NID2: variants seen among roughly 807,000 people sequenced by gnomAD.
NID2 encodes nidogen-2.
A neutral mutation model predicts 145.4 loss-of-function variants in NID2; 83 were observed. That is an observed-to-expected ratio of 0.57 (90% CI 0.48 to 0.69). The LOEUF (loss-of-function observed/expected upper bound fraction) is 0.69, where lower values mean the gene tolerates loss of function less well. Among genes scored for constraint, NID2 ranks in the 30% least tolerant of loss-of-function variants. The probability of loss-of-function intolerance (pLI) is 0.00; values close to 1 mark genes in which losing one functional copy is unlikely to be tolerated. For missense variants in NID2, 1,807 were observed against 1,765.7 expected (o/e 1.02, Z -0.42); for synonymous variants, 739 against 701.3 (o/e 1.05, Z -0.85).
chr14:52,066,493 G>A (rs938582509), intron 2 of NID2, among the ~76,000 whole-genome samples: 3 of 152,018 alleles, frequency 2.0e-5, no homozygotes, highest in African/African-American at 7.3e-5. Flanking sequence ...TGCTTGGGGG[G>A]ATGGATACCC....
intron 10 of NID2, 41 bp from the exon 11 acceptor site, chr14:52,028,891 G>T: frequency 6.2e-7 from 1 of 1,608,744 alleles, no homozygotes; most frequent in South Asian, 1.1e-5. Flanking sequence ...CTTAATTCAA[G>T]GGTCCCAGAA....
intron 9 of NID2, among the ~76,000 whole-genome samples, chr14:52,034,419 G>C (rs900328657): frequency 1.3e-5 from 2 of 152,208 alleles, no homozygotes; most frequent in Admixed American, 1.3e-4. Context: ...ATCTCTCTTT[G>C]AGAAATCTAC....
intron 5 of NID2, among the ~76,000 whole-genome samples, chr14:52,052,763 T>TCCTA (rs1372358779): frequency 6.6e-6 from 1 of 152,168 alleles, no homozygotes; most frequent in African/African-American, 2.4e-5. Flanking sequence ...ACCTCTTTCT[T>TCCTA]CCTATCAGAG....
chr14:52,006,622 C>T lies in NID2; in HGVS notation c.3919G>A (p.Gly1307Arg), dbSNP rs960718658. The T allele has an allele frequency of 5.3e-5, 86 of 1,613,774 alleles. No individual in the cohort carries two copies. Among genetic ancestry groups the T allele is most frequent in the Non-Finnish European group, 7.0e-5 (83 of 1,179,800 alleles). Reference sequence around the variant, plus strand: ...AGGTTGTTTTGAATGACACGCCGTCCAGTTCCATCAGGTAGTGTACACTCC... The same window carrying T: ...AGGTTGTTTTGAATGACACGCCGTCTAGTTCCATCAGGTAGTGTACACTCC... ...KLECTLPDGT[G>R]RRVIQNNLKY... Residue 1307 changes from glycine (G) to arginine (R), a missense_variant, in exon 20 of 22, where the codon GGA (glycine) becomes AGA (arginine). Physicochemically the swap from Gly to Arg is moderately radical, Grantham distance 125 (BLOSUM62 -2). Coordinates refer to ENST00000216286, the MANE Select transcript of NID2 (RefSeq NM_007361.4).
In NID2 at chr14:52,005,362, A is replaced by C; in HGVS notation, c.*124T>G. ...AGTCTTTTTGCACTACAAAATGTTC[A>C]TCTTGGATGCTCAGGAACGTCTAAT... On this transcript the variant is annotated 3_prime_UTR_variant, in exon 22 of 22. Coordinates refer to ENST00000216286, the MANE Select transcript of NID2 (RefSeq NM_007361.4). The C allele has an allele frequency of 2.3e-6, 2 of 869,394 alleles. No individual in the cohort carries two copies. Among genetic ancestry groups the C allele is most frequent in the African/African-American group, 1.7e-5 (1 of 59,186 alleles). The allele number at this position is 869,394 out of a possible 1,614,324, so 53.9% of individuals were successfully genotyped here.
intron 14 of NID2, 34 bp from the exon 15 acceptor site, chr14:52,015,309 C>CT (rs781599089): frequency 1.3e-6 from 2 of 1,574,780 alleles, no homozygotes; most frequent in Admixed American, 1.7e-5. Context: ...GAAGAAAAAC[C>CT]TTTGATTGTG....
Position 52,054,291 on chromosome 14 carries a change from C to T in NID2, c.798G>A (p.Trp266Ter). The T allele has an allele frequency of 6.2e-7, 1 of 1,614,020 alleles. No homozygotes were observed. Among genetic ancestry groups the T allele is most frequent in the Non-Finnish European group, 8.5e-7 (1 of 1,179,948 alleles). The change falls in exon 4 of 22, where the codon TGG becomes TGA. Residue 266 changes from tryptophan (W) to a stop codon, truncating the protein, a stop_gained. Transcript: ENST00000216286. LOFTEE classifies it high-confidence loss of function. The stretch of plus-strand genomic sequence containing the variant: ...GGGAAGTGCTGCCGATATGGAAAGC[C>T]CACACTCCAGGGATCCCCAGGTTGC... The part of the protein sequence containing the change: ...QLSNLGIPGV[W>*]AFHIGSTSPL...
intron 3 of NID2, among the ~76,000 whole-genome samples, chr14:52,058,676 G>C (rs1892929011): frequency 6.6e-6 from 1 of 152,030 alleles, no homozygotes; most frequent in South Asian, 2.1e-4. Flanking sequence ...ACTGTCTCCT[G>C]TCTCCTGTGT....
chr14:52,009,492 A>G lies in NID2; in HGVS notation c.3722+1384T>C, dbSNP rs150624456. ...CATGTGTTATATTGCAACCTGGTTC[A>G]AGGTGGGTTTTCTTTTTATTAAAAA... On this transcript the variant is annotated intron_variant, in intron 18 of 21. Coordinates refer to ENST00000216286, the MANE Select transcript of NID2 (RefSeq NM_007361.4). 4.6e-5 allele frequency: 7 copies of G among 152,352 alleles called. No homozygotes were observed. The East Asian group carries it at 1.3e-3, about 29-fold the overall frequency. The allele number at this position is 152,352 out of a possible 1,614,324, so 9.4% of individuals were successfully genotyped here.
chr14:52,005,825 T>C lies in NID2; in HGVS notation c.4029A>G (p.Lys1343=). 1 of 1,612,772 alleles carries C rather than the reference T, an allele frequency of 6.2e-7. No individual in the cohort carries two copies. Residue 1343 remains lysine, a synonymous_variant, in exon 21 of 22, where the codon AAA becomes AAG. Coordinates refer to ENST00000216286, the MANE Select transcript of NID2 (RefSeq NM_007361.4). ...ACTCATCAGTAAACTGGCCACTATGTTTATTTACTGATACAACACCATCCC... is the reference window on the plus strand; with the variant it reads ...ACTCATCAGTAAACTGGCCACTATGCTTATTTACTGATACAACACCATCCC... ...WRRDGVVSVN[K]HSGQFTDEYL... is the part of the protein sequence containing the mutation.
chr14:52,056,621 C>G (rs559721877), intron 3 of NID2, among the ~76,000 whole-genome samples: 1 of 151,938 alleles, frequency 6.6e-6, no homozygotes. Flanking sequence ...CATGGTGAAA[C>G]CCCACTATAA....
rs749966457 is a variant in NID2, at chr14:52,067,896, A to G, written c.496T>C (p.Tyr166His). The G allele has an allele frequency of 6.2e-7, 1 of 1,612,800 alleles. No homozygotes were observed. The change falls in exon 2 of 22, where the codon TAC (tyrosine) becomes CAC (histidine). Residue 166 changes from tyrosine (Y) to histidine (H), a missense_variant. Transcript: ENST00000216286. ...AGCGCCCCGCGCTTGACCTCCTCGT[A>G]AGCGCCTACCTGCTCCCAGGTGGCC... is the stretch of plus-strand genomic sequence containing the variant. ...FLATWEQVGA[Y>H]EEVKRGALPS...
At position 52,005,810 on chromosome 14, in the gene NID2, A is replaced by G; in HGVS notation, c.4044T>C (p.Phe1348=). 1 of 1,613,814 alleles carries G rather than the reference A, an allele frequency of 6.2e-7. No individual in the cohort carries two copies. Among genetic ancestry groups the G allele is most frequent in the Non-Finnish European group, 8.5e-7 (1 of 1,179,708 alleles). The change falls in exon 21 of 22, where the codon TTT becomes TTC. Residue 1348 remains phenylalanine (F), a synonymous_variant. Transcript: ENST00000216286. ...VVSVNKHSGQ[F]TDEYLPEQRS... is the part of the protein sequence containing the mutation. Reference sequence around the variant, plus strand: ...GTTGTTCTGGGAGATACTCATCAGTAAACTGGCCACTATGTTTATTTACTG... The same window carrying G: ...GTTGTTCTGGGAGATACTCATCAGTGAACTGGCCACTATGTTTATTTACTG...
At chr14:52,013,931 T>C (rs575187687) in intron 16 of NID2, among the ~76,000 whole-genome samples, 22 of 152,332 alleles carry the variant, frequency 1.4e-4, no homozygotes, top group African/African-American at 5.1e-4. Flanking sequence ...ATTTCCAGGA[T>C]TTCCATGGAG....
At chr14:52,033,327 G>A (rs1891939854) in intron 9 of NID2, among the ~76,000 whole-genome samples, 1 of 152,034 alleles carries the variant, frequency 6.6e-6, no homozygotes, top group Admixed American at 6.5e-5. Context: ...TCCTCAACTC[G>A]CCAAAAGGAC....
chr14:52,067,549 G>A (rs1163099074), intron 2 of NID2, among the ~76,000 whole-genome samples: 3 of 152,138 alleles, frequency 2.0e-5, no homozygotes, highest in African/African-American at 7.2e-5. Context: ...CTTAGAGATG[G>A]TTCTAAAAAT....
chr14:52,045,892 A>G (rs2516589), intron 5 of NID2, among the ~76,000 whole-genome samples: 123,655 of 152,150 alleles, frequency 0.81, 50,436 homozygotes, highest in South Asian at 0.89. Context: ...TGTGGAAACT[A>G]TGCAAACTGT....
chr14:52,031,937 G>C (rs1307835941), intron 9 of NID2, among the ~76,000 whole-genome samples: 1 of 152,152 alleles, frequency 6.6e-6, no homozygotes, highest in Admixed American at 6.5e-5. Flanking sequence ...CCACTGCTAT[G>C]GGGGGAGACT....
At chr14:52,060,744 A>G (rs942672925) in intron 2 of NID2, among the ~76,000 whole-genome samples, 5 of 152,350 alleles carry the variant, frequency 3.3e-5, no homozygotes, top group African/African-American at 7.2e-5. Context: ...GCCCTAGTTT[A>G]TAACCCTAGG....
Sources: allele counts gnomAD v4.1 joint callset (sites outside exome capture counted in the v4.1 genomes callset), GRCh38; gene constraint gnomAD v4.1.1; transcripts MANE v1.5; gene names NCBI Gene and HGNC (gene_info 2026-07-23, HGNC 2026-07-21).